Variants in MARCHF8 observed in about 807,000 individuals in gnomAD.
MARCHF8 encodes E3 ubiquitin-protein ligase MARCHF8.
Under a neutral mutation model 51.6 loss-of-function variants are expected in MARCHF8, and 40 were observed. The ratio of observed to expected loss-of-function variants is 0.77; its 90% CI spans 0.60 to 1.01. MARCHF8 has a LOEUF of 1.01. MARCHF8 is among the 50% of genes least tolerant of loss of function. The pLI is 0.00. For synonymous variants in MARCHF8, 263 were observed against 280.3 expected (o/e 0.94, Z 0.62); for missense variants, 685 against 708.6 (o/e 0.97, Z 0.38).
chr10:45,477,007 A>G (rs959931319), intron 3 of MARCHF8, among the ~76,000 whole-genome samples: 5 of 152,220 alleles, frequency 3.3e-5, no homozygotes, highest in African/African-American at 1.2e-4. Context: ...AGAAGCTCAG[A>G]GATATCCAAA....
chr10:45,565,374 T>C (rs1274751940), intron 1 of MARCHF8, among the ~76,000 whole-genome samples: 2 of 152,034 alleles, frequency 1.3e-5, no homozygotes, highest in Non-Finnish European at 2.9e-5. Context: ...GAGGATACAG[T>C]GTGCCAAGAT....
chr10:45,480,525 G>C (rs1172656851), intron 3 of MARCHF8, among the ~76,000 whole-genome samples: 1 of 152,114 alleles, frequency 6.6e-6, no homozygotes, highest in Admixed American at 6.5e-5. Flanking sequence ...CCCTTGCTGT[G>C]TGCAGCCTAG....
chr10:45,529,073 T>C (rs752280858), intron 2 of MARCHF8, among the ~76,000 whole-genome samples: 15 of 152,248 alleles, frequency 9.9e-5, no homozygotes, highest in Non-Finnish European at 2.1e-4. Flanking sequence ...CAAATTGTAC[T>C]ATAAGGCTAT....
intron 5 of MARCHF8, among the ~76,000 whole-genome samples, chr10:45,462,716 C>T (rs1158484040): frequency 6.6e-6 from 1 of 151,852 alleles, no homozygotes; most frequent in African/African-American, 2.4e-5. Flanking sequence ...ACCTCCGCCT[C>T]CCGGGTTCAA....
At chr10:45,507,983 A>T (rs2043419333) in intron 2 of MARCHF8, among the ~76,000 whole-genome samples, 1 of 152,206 alleles carries the variant, frequency 6.6e-6, no homozygotes, top group South Asian at 2.1e-4. Context: ...AATAACAAAG[A>T]TTCTGTTTTA....
chr10:45,580,863 C>T (rs1485717168), intron 1 of MARCHF8, among the ~76,000 whole-genome samples: 1 of 152,068 alleles, frequency 6.6e-6, no homozygotes, highest in Non-Finnish European at 1.5e-5. Flanking sequence ...TCTTAGCTAC[C>T]ACAAAAAAAC....
At chr10:45,532,075 C>T (rs1264278046) in intron 2 of MARCHF8, among the ~76,000 whole-genome samples, 1 of 152,202 alleles carries the variant, frequency 6.6e-6, no homozygotes, top group African/African-American at 2.4e-5. Flanking sequence ...TCCACGACAC[C>T]CTGAACTGTC....
At chr10:45,554,717 C>T (rs565276892) in intron 1 of MARCHF8, among the ~76,000 whole-genome samples, 1 of 152,210 alleles carries the variant, frequency 6.6e-6, no homozygotes, top group East Asian at 1.9e-4. Context: ...GTCGGGAATT[C>T]GAGACCAGCC....
At chr10:45,481,298 A>G (rs993226719) in intron 3 of MARCHF8, among the ~76,000 whole-genome samples, 5 of 152,134 alleles carry the variant, frequency 3.3e-5, no homozygotes, top group Non-Finnish European at 5.9e-5. Context: ...GAGACTTTGG[A>G]CTGTGGACTT....
At chr10:45,555,103 C>T (rs1372476817) in intron 1 of MARCHF8, among the ~76,000 whole-genome samples, 1 of 151,902 alleles carries the variant, frequency 6.6e-6, no homozygotes, top group Non-Finnish European at 1.5e-5. Flanking sequence ...GTGGTGCATG[C>T]CTGTAATCAC....
intron 2 of MARCHF8, among the ~76,000 whole-genome samples, chr10:45,511,255 T>C (rs571767073): frequency 1.3e-5 from 2 of 152,326 alleles, no homozygotes; most frequent in Non-Finnish European, 2.9e-5. Flanking sequence ...AATGAACAGA[T>C]AAATTTCTGC....
Position 45,464,275 on chromosome 10 carries a change from C to T in MARCHF8, c.206G>A (p.Arg69His), listed in dbSNP as rs139808124. 9.9e-6 allele frequency: 16 copies of T among 1,613,986 alleles called. No homozygotes were observed. The highest frequency in any genetic ancestry group is 9.3e-5 in the African/African-American group (7 of 74,894). ...CTGGCTGGATGGCGTGATAGAAGTG[C>T]GAGAGAAGGAGGACACCGGAGCCGG... ...SAPAPVSSFS[R>H]TSITPSSQDI... is the part of the protein sequence containing the mutation. The change falls in exon 4 of 8, where the codon CGC becomes CAC. Residue 69 changes from arginine (R) to histidine (H), a missense_variant. By Grantham distance (29) the Arg-to-His change is conservative. Transcript: ENST00000453424.
upstream of MARCHF8, among the ~76,000 whole-genome samples, chr10:45,538,156 C>T (rs1279443074): frequency 2.6e-5 from 4 of 152,072 alleles, no homozygotes; most frequent in African/African-American, 9.7e-5. Flanking sequence ...GAGTGGGGGC[C>T]AATATTCAAC....
chr10:45,563,402 G>A (rs1440910923), intron 1 of MARCHF8, among the ~76,000 whole-genome samples: 2 of 152,064 alleles, frequency 1.3e-5, no homozygotes, highest in Admixed American at 1.3e-4. Flanking sequence ...TATACGCAAG[G>A]GTTCTGGAAC....
chr10:45,512,184 G>C (rs1192553262), intron 2 of MARCHF8, among the ~76,000 whole-genome samples: 1 of 151,682 alleles, frequency 6.6e-6, no homozygotes, highest in African/African-American at 2.4e-5. Flanking sequence ...CATCTGAGAA[G>C]TGAGGAGACC....
At chr10:45,548,753 C>T (rs550108929) in intron 1 of MARCHF8, among the ~76,000 whole-genome samples, 7 of 152,156 alleles carry the variant, frequency 4.6e-5, no homozygotes, top group East Asian at 1.9e-4. Flanking sequence ...CTGTAATCTT[C>T]GGGAGGCCGA....
intron 3 of MARCHF8, among the ~76,000 whole-genome samples, chr10:45,483,687 G>A (rs903147014): frequency 6.6e-6 from 1 of 152,154 alleles, no homozygotes; most frequent in Non-Finnish European, 1.5e-5. Context: ...TGGACAAACA[G>A]GTAAAGAATT....
chr10:45,463,228 G>A lies in MARCHF8; in HGVS notation c.1011C>T (p.Ser337=), dbSNP rs17157825. 75,999 of 1,550,748 alleles carry A rather than the reference G, an allele frequency of 0.049. 2,126 individuals carry two copies. The highest frequency in any genetic ancestry group is 0.085 in the East Asian group (3,488 of 40,910). ...AGAAGGGAGAAGGACAATCCAGGTC[G>A]CTGTCCTTTTCCGTGGAGCAGAGGG... ...RAPLCSTEKD[S]DLDCPSPFSE... The change falls in exon 5 of 8, where the codon AGC becomes AGT. Residue 337 remains serine, a synonymous_variant. Transcript: ENST00000453424.
chr10:45,550,803 A>G (rs189336498), intron 1 of MARCHF8, among the ~76,000 whole-genome samples: 4 of 152,314 alleles, frequency 2.6e-5, no homozygotes, highest in African/African-American at 9.6e-5. Context: ...CTTCTCTACA[A>G]GCAAAACATG....
Sources: gnomAD v4.1 joint callset for allele counts (sites outside exome capture counted in the v4.1 genomes callset) on GRCh38, gnomAD v4.1.1 for gene constraint, MANE v1.5 for transcripts, NCBI Gene and HGNC (gene_info 2026-07-23, HGNC 2026-07-21) for gene names.